Variants in THADA observed in about 807,000 individuals in gnomAD.
The protein encoded by THADA is THADA armadillo repeat containing, also known as tRNA (32-2'-O)-methyltransferase regulator THADA.
THADA carries 213 observed loss-of-function variants against 219.8 expected under a neutral mutation model. The observed-to-expected ratio is 0.97, with a 90% CI of 0.87 to 1.09. The LOEUF (loss-of-function observed/expected upper bound fraction) is 1.09. THADA is among the 50% of genes least tolerant of loss of function. The probability of loss-of-function intolerance (pLI) is 0.00; values close to 1 mark genes in which losing one functional copy is unlikely to be tolerated. For synonymous variants in THADA, 1,018 were observed against 828.9 expected, an observed-to-expected ratio of 1.23 and a Z score of -3.92; for missense variants, 2,956 against 2,311.3, an observed-to-expected ratio of 1.28 and a Z score of -5.72.
At chr2:43,287,501 T>C (rs1674176135) in intron 34 of THADA, among the ~76,000 whole-genome samples, 1 of 152,178 alleles carries the variant, frequency 6.6e-6, no homozygotes, top group Admixed American at 6.5e-5. Context: ...TTCGCCATGT[T>C]GGTCAGGCTG....
chr2:43,493,621 AAAG>A (rs1687924617), intron 25 of THADA, among the ~76,000 whole-genome samples: 1 of 152,182 alleles, frequency 6.6e-6, no homozygotes, highest in Non-Finnish European at 1.5e-5. Context: ...GGATGCAAGG[AAAG>A]AAGATCAGGC....
At chr2:43,325,542 A>G (rs1679221671) in intron 30 of THADA, among the ~76,000 whole-genome samples, 1 of 152,002 alleles carries the variant, frequency 6.6e-6, no homozygotes, top group African/African-American at 2.4e-5. Context: ...AGAAAGAAGG[A>G]AGAAGAAAGG....
intron 3 of THADA, among the ~76,000 whole-genome samples, chr2:43,591,191 G>A (rs538802951): frequency 1.1e-4 from 16 of 152,152 alleles, no homozygotes; most frequent in African/African-American, 3.6e-4. Flanking sequence ...AGGCATGGTG[G>A]CACATGCCTG....
chr2:43,440,460 G>A (rs1680709620), intron 26 of THADA, among the ~76,000 whole-genome samples: 2 of 152,140 alleles, frequency 1.3e-5, no homozygotes, highest in Admixed American at 6.5e-5. Context: ...CAGGGAGAAA[G>A]CAAAATCATT....
chr2:43,511,079 G>A (rs1214588155), intron 22 of THADA, among the ~76,000 whole-genome samples: 1 of 151,952 alleles, frequency 6.6e-6, no homozygotes, highest in Non-Finnish European at 1.5e-5. Context: ...AAGGTAAAGA[G>A]TACTTGATCT....
At chr2:43,346,966 C>T (rs939281507) in intron 29 of THADA, among the ~76,000 whole-genome samples, 3 of 152,178 alleles carry the variant, frequency 2.0e-5, no homozygotes, top group Non-Finnish European at 1.5e-5. Flanking sequence ...ATATTCACTC[C>T]TTTAGGACAC....
intron 21 of THADA, among the ~76,000 whole-genome samples, chr2:43,537,416 G>C (rs180793640): frequency 6.6e-6 from 1 of 152,180 alleles, no homozygotes; most frequent in East Asian, 1.9e-4. Flanking sequence ...AATAGGATGT[G>C]GTTACATGCA....
intron 26 of THADA, among the ~76,000 whole-genome samples, chr2:43,462,825 T>C (rs891092116): frequency 1.3e-5 from 2 of 152,124 alleles, no homozygotes; most frequent in African/African-American, 2.4e-5. Context: ...TTGTCTTAAA[T>C]ACTAAAAGGC....
At chr2:43,481,013 T>C (rs1686147413) in intron 26 of THADA, among the ~76,000 whole-genome samples, 1 of 152,234 alleles carries the variant, frequency 6.6e-6, no homozygotes, top group African/African-American at 2.4e-5. Context: ...AATTTTAGTT[T>C]TGAGAATTCA....
chr2:43,365,446 C>T (rs1670020535), intron 29 of THADA, among the ~76,000 whole-genome samples: 1 of 151,970 alleles, frequency 6.6e-6, no homozygotes. Context: ...TGGCAGGCGC[C>T]TGTAGTCCCA....
intron 36 of THADA, among the ~76,000 whole-genome samples, chr2:43,268,662 TG>T (rs1310597566): frequency 6.6e-6 from 1 of 152,184 alleles, no homozygotes; most frequent in African/African-American, 2.4e-5. Context: ...AACAGCAGGA[TG>T]GTGAGGGAGG....
At chr2:43,550,609 T>C (rs958364644) in intron 19 of THADA, among the ~76,000 whole-genome samples, 6 of 152,160 alleles carry the variant, frequency 3.9e-5, no homozygotes, top group African/African-American at 1.2e-4. Flanking sequence ...AGGAAAAGTC[T>C]GTGGGGCAAA....
chr2:43,542,921 G>C (rs1449710542), intron 20 of THADA, among the ~76,000 whole-genome samples: 1 of 151,582 alleles, frequency 6.6e-6, no homozygotes, highest in Admixed American at 6.6e-5. Flanking sequence ...CAATGTGCAG[G>C]TTAGTTACAT....
chr2:43,570,385 T>C lies in THADA; in HGVS notation c.2187+3A>G, dbSNP rs766771076. The C allele has an allele frequency of 8.2e-6, 13 of 1,592,380 alleles. No individual in the cohort carries two copies. The highest frequency in any genetic ancestry group is 8.1e-5 in the South Asian group (7 of 86,096). On this transcript the variant is annotated splice_donor_region_variant and intron_variant, in intron 14 of 37. Transcript: ENST00000405975. ...CTCTCATGTTTAGAAATATATCACCTACCTTATACTGCTGTAAAGAAACAG... is the reference window on the plus strand; with the variant it reads ...CTCTCATGTTTAGAAATATATCACCCACCTTATACTGCTGTAAAGAAACAG...
At chr2:43,557,544 G>C (rs1697524483) in intron 16 of THADA, among the ~76,000 whole-genome samples, 1 of 152,182 alleles carries the variant, frequency 6.6e-6, no homozygotes, top group Admixed American at 6.5e-5. Flanking sequence ...TTATGCATCA[G>C]AGCTCCCACA....
intron 22 of THADA, among the ~76,000 whole-genome samples, chr2:43,523,631 T>C (rs1271364657): frequency 1.3e-5 from 2 of 152,244 alleles, no homozygotes; most frequent in African/African-American, 2.4e-5. Context: ...TTTAAATACA[T>C]ATTTAAATGA....
In THADA at chr2:43,231,139, G is replaced by C. The variant is rs1388534328; in HGVS notation, c.5671C>G (p.Pro1891Ala). The change falls in exon 38 of 38, where the codon CCA (proline) becomes GCA (alanine). Residue 1891 changes from proline (P) to alanine (A), a missense_variant. Transcript: ENST00000405975. ...ACTGTCTTCACAAACTCAGCAGCTGGTGGAAGCTCTCTGAAGAACTGAGAC... is the reference window on the plus strand; with the variant it reads ...ACTGTCTTCACAAACTCAGCAGCTGCTGGAAGCTCTCTGAAGAACTGAGAC... ...LLSQFFRELP[P>A]AAEFVKTVEF... The C allele has an allele frequency of 1.9e-6, 3 of 1,613,910 alleles. No homozygotes were observed. Among genetic ancestry groups the C allele is most frequent in the Non-Finnish European group, 2.5e-6 (3 of 1,179,868 alleles).
intron 9 of THADA, 118 bp from the exon 10 acceptor site, chr2:43,577,360 C>T (rs1574338682): frequency 2.5e-6 from 2 of 803,698 alleles, no homozygotes; most frequent in Non-Finnish European, 3.9e-6. Flanking sequence ...ATGACTAAAT[C>T]CAAAGATAAA....
At chr2:43,336,783 C>A (rs1323144634) in intron 30 of THADA, among the ~76,000 whole-genome samples, 1 of 152,228 alleles carries the variant, frequency 6.6e-6, no homozygotes, top group Admixed American at 6.5e-5. Context: ...GAACTAGCAT[C>A]AGCCAATCTG....
Sources: gnomAD v4.1 joint callset for allele counts (sites outside exome capture counted in the v4.1 genomes callset) on GRCh38, gnomAD v4.1.1 for gene constraint, MANE v1.5 for transcripts, NCBI Gene and HGNC (gene_info 2026-07-23, HGNC 2026-07-21) for gene names.